The following PHYH variants were observed in gnomAD, a reference collection of about 807,000 sequenced individuals.
The protein encoded by PHYH is phytanoyl-CoA dioxygenase, peroxisomal.
In PHYH, 32 loss-of-function variants were observed where a neutral mutation model predicts 38.5. The ratio of observed to expected loss-of-function variants is 0.83; its 90% CI spans 0.63 to 1.12. The LOEUF (loss-of-function observed/expected upper bound fraction) is 1.12, where lower values mean the gene tolerates loss of function less well. Among genes scored for constraint, PHYH ranks in the 50% most tolerant of loss-of-function variants. The pLI, the probability that PHYH is intolerant of heterozygous loss-of-function variation, is 0.00. For synonymous variants in PHYH, 166 were observed against 157.9 expected, an observed-to-expected ratio of 1.05 and a Z score of -0.38; for missense variants, 426 against 434.8, an observed-to-expected ratio of 0.98 and a Z score of 0.18.
At chr10:13,289,532 G>A (rs1286641669) in intron 5 of PHYH, among the ~76,000 whole-genome samples, 1 of 152,164 alleles carries the variant, frequency 6.6e-6, no homozygotes, top group East Asian at 1.9e-4. Flanking sequence ...ATTGGGCACA[G>A]TACCTAGCAT....
intron 4 of PHYH, among the ~76,000 whole-genome samples, chr10:13,292,896 G>T (rs1008651962): frequency 1.0e-4 from 15 of 143,558 alleles, no homozygotes; most frequent in African/African-American, 3.6e-4. Context: ...TCATACCACT[G>T]CAGTCCAGCC....
chr10:13,288,885 G>C (rs907571072), intron 5 of PHYH, among the ~76,000 whole-genome samples: 16 of 145,110 alleles, frequency 1.1e-4, no homozygotes, highest in Non-Finnish European at 1.9e-4. Flanking sequence ...TTACAGCCTG[G>C]GTGACAGAGA....
At position 13,295,617 on chromosome 10, in the gene PHYH, AAAAG is replaced by A. The variant is rs1164883267; in HGVS notation, c.135-15_135-12del. ...TTATCCAGAGTATACCTAAAGGAGA[AAAAG>A]AATCCCAAAATAAGTTACATTTTTA... On this transcript the variant is annotated splice_polypyrimidine_tract_variant and intron_variant, in intron 2 of 8. Transcript: ENST00000263038. The A allele has an allele frequency of 1.1e-5, 11 of 1,020,624 alleles. No homozygotes were observed. Among genetic ancestry groups the A allele is most frequent in the Non-Finnish European group, 1.7e-5 (11 of 638,148 alleles). 63.2% of individuals were successfully genotyped at this position (1,020,624 alleles called of 1,614,324 possible).
chr10:13,291,057 TCG>T (rs1244226533), intron 5 of PHYH, among the ~76,000 whole-genome samples: 1 of 126,792 alleles, frequency 7.9e-6, no homozygotes, highest in Non-Finnish European at 1.5e-5. Context: ...TGAGCCAAGA[TCG>T]CGCTATCGCA....
chr10:13,286,938 GTA>G (rs756250644), intron 6 of PHYH, among the ~76,000 whole-genome samples: 9 of 152,142 alleles, frequency 5.9e-5, no homozygotes, highest in Non-Finnish European at 1.2e-4. Flanking sequence ...GATTTCACAG[GTA>G]TGTGTGTGTG....
At chr10:13,295,287 C>T (rs1588516754) in intron 3 of PHYH, 2 of 549,186 alleles carry the variant, frequency 3.6e-6, no homozygotes, top group East Asian at 3.2e-5. Flanking sequence ...TATGATCGCA[C>T]CACTGCACTC....
rs373423874 is a variant in PHYH at position 13,285,530 on chromosome 10, C to A, written c.679-1691G>T. Among the ~76,000 whole-genome samples the A allele has an allele frequency of 3.3e-5, 5 of 151,900 alleles. No homozygotes were observed. In the East Asian group the frequency reaches 9.7e-4, roughly 29 times the overall value. ...ATGTTCCTCATTTCCTATCGAACTA[C>A]AACTCATTCTCCCTGCTTTAACAAT... On this transcript the variant is annotated intron_variant, in intron 6 of 8. Coordinates refer to ENST00000263038, the MANE Select transcript of PHYH (RefSeq NM_006214.4).
intron 7 of PHYH, among the ~76,000 whole-genome samples, chr10:13,282,519 G>A (rs1302313141): frequency 2.7e-5 from 4 of 149,204 alleles, no homozygotes; most frequent in South Asian, 4.2e-4. Flanking sequence ...TTGAACCTGG[G>A]AGGCCAAGGT....
At chr10:13,299,794 C>T in intron 1 of PHYH, 174 bp downstream of exon 1, 2 of 1,315,004 alleles carry the variant, frequency 1.5e-6, no homozygotes, top group South Asian at 4.2e-5. Context: ...AGCCTCTTCC[C>T]CGCTCCCCGG....
At chr10:13,297,751 G>A (rs532379563) in intron 2 of PHYH, among the ~76,000 whole-genome samples, 19 of 150,058 alleles carry the variant, frequency 1.3e-4, no homozygotes, top group African/African-American at 3.4e-4. Context: ...CATGAGCCAC[G>A]GTGCCCGGCC....
intron 3 of PHYH, chr10:13,294,968 TC>T: frequency 3.0e-6 from 1 of 337,236 alleles, no homozygotes; most frequent in South Asian, 2.6e-5. Flanking sequence ...GCTATTATTA[TC>T]CCCATTTTAC....
intron 8 of PHYH, among the ~76,000 whole-genome samples, chr10:13,279,339 C>G (rs1370983193): frequency 1.3e-5 from 2 of 152,138 alleles, no homozygotes; most frequent in Non-Finnish European, 2.9e-5. Flanking sequence ...TTTGAGTGTT[C>G]TACTCTTGAT....
At chr10:13,297,996 A>C (rs1832611303) in intron 2 of PHYH, among the ~76,000 whole-genome samples, 191 bp downstream of exon 2, 1 of 152,098 alleles carries the variant, frequency 6.6e-6, no homozygotes, top group Admixed American at 6.6e-5. Context: ...TCTGAATCTT[A>C]AAATACATAC....
chr10:13,295,059 G>A (rs752217902), intron 3 of PHYH: 2 of 286,748 alleles, frequency 7.0e-6, no homozygotes, highest in Non-Finnish European at 1.3e-5. Flanking sequence ...TGAGACTGAA[G>A]CCCAGGCATG....
chr10:13,298,287 C>T (rs959789143), intron 1 of PHYH, 42 bp from the exon 2 acceptor site: 20 of 1,298,008 alleles, frequency 1.5e-5, no homozygotes, highest in Non-Finnish European at 2.0e-5. Flanking sequence ...ATATAGAAGG[C>T]CAGGCACGGT....
chr10:13,284,786 C>A (rs986257970), intron 6 of PHYH, among the ~76,000 whole-genome samples: 2 of 151,270 alleles, frequency 1.3e-5, no homozygotes, highest in African/African-American at 4.8e-5. Flanking sequence ...TGAGAAGCAC[C>A]TTAGGAGTCA....
intron 8 of PHYH, among the ~76,000 whole-genome samples, chr10:13,278,630 G>A (rs1447622409): frequency 1.3e-5 from 2 of 151,706 alleles, no homozygotes; most frequent in African/African-American, 4.8e-5. Context: ...CCGGGTTCAA[G>A]CGACTCTCCT....
rs141793844 is a variant in PHYH, at chr10:13,278,213, G to T, written c.*88C>A. On this transcript the variant is annotated 3_prime_UTR_variant, in exon 9 of 9. Transcript: ENST00000263038. ...CTGCTTTTAACAAGTGATAGAAAAG[G>T]TTACATCATCTCATTAAGAAAACAT... 213 of 871,832 alleles carry T rather than the reference G, an allele frequency of 2.4e-4. No homozygotes were observed. Among genetic ancestry groups the T allele is most frequent in the African/African-American group, 1.3e-3 (80 of 60,568 alleles). 54.0% of individuals were successfully genotyped at this position (871,832 alleles called of 1,614,324 possible). A position where few individuals can be genotyped will look rare whatever the true frequency, so the allele number is the denominator to read the frequency against.
At chr10:13,295,851 A>T (rs551297490) in intron 2 of PHYH, among the ~76,000 whole-genome samples, 4 of 150,112 alleles carry the variant, frequency 2.7e-5, no homozygotes, top group East Asian at 2.0e-4. Flanking sequence ...AAAAAAATTT[A>T]AATTACATCC....
Sources: gnomAD v4.1 joint callset for allele counts (sites outside exome capture counted in the v4.1 genomes callset) on GRCh38, gnomAD v4.1.1 for gene constraint, MANE v1.5 for transcripts, NCBI Gene and HGNC (gene_info 2026-07-23, HGNC 2026-07-21) for gene names.